Variants in GALNTL6 observed in about 807,000 individuals in gnomAD.
GALNTL6 encodes polypeptide N-acetylgalactosaminyltransferase-like 6.
In GALNTL6, 46 loss-of-function variants were observed where a neutral mutation model predicts 73.7. The ratio of observed to expected loss-of-function variants is 0.62; its 90% CI spans 0.49 to 0.80. The LOEUF (loss-of-function observed/expected upper bound fraction) is 0.80, where lower values mean the gene tolerates loss of function less well. GALNTL6 is among the 30% of genes least tolerant of loss of function. GALNTL6 has a pLI of 0.00. For synonymous variants in GALNTL6, 259 were observed against 263.7 expected, an observed-to-expected ratio of 0.98 and a Z score of 0.17; for missense variants, 604 against 755.0, an observed-to-expected ratio of 0.80 and a Z score of 2.34.
At chr4:171,840,619 C>A (rs1735213743) in intron 2 of GALNTL6, among the ~76,000 whole-genome samples, 1 of 152,056 alleles carries the variant, frequency 6.6e-6, no homozygotes, top group Non-Finnish European at 1.5e-5. Context: ...GTGTGGGTAG[C>A]CTTTGGAGTA....
intron 2 of GALNTL6, among the ~76,000 whole-genome samples, chr4:172,184,281 C>T (rs931637099): frequency 2.6e-5 from 4 of 152,132 alleles, no homozygotes; most frequent in Admixed American, 1.3e-4. Flanking sequence ...TGCTGTGACA[C>T]AGACCTGCTG....
At chr4:171,858,178 G>A (rs1330115626) in intron 2 of GALNTL6, among the ~76,000 whole-genome samples, 1 of 152,072 alleles carries the variant, frequency 6.6e-6, no homozygotes, top group Non-Finnish European at 1.5e-5. Flanking sequence ...ATTCTGCATT[G>A]CAAAAAGTTA....
intron 5 of GALNTL6, among the ~76,000 whole-genome samples, chr4:172,480,859 C>T (rs1024770445): frequency 6.6e-6 from 1 of 152,148 alleles, no homozygotes; most frequent in Admixed American, 6.5e-5. Flanking sequence ...CATGTGATCT[C>T]ATGTCCTCCA....
chr4:172,833,250 C>T (rs1742735868), intron 7 of GALNTL6, among the ~76,000 whole-genome samples: 1 of 152,152 alleles, frequency 6.6e-6, no homozygotes, highest in Admixed American at 6.5e-5. Flanking sequence ...AAAGTGCCCA[C>T]TATTTTCTTT....
chr4:172,045,410 A>C (rs1275493255), intron 2 of GALNTL6, among the ~76,000 whole-genome samples: 2 of 152,068 alleles, frequency 1.3e-5, no homozygotes, highest in East Asian at 3.8e-4. Context: ...AAATTTCCCT[A>C]AAGTCTTCTC....
At chr4:172,783,006 T>C (rs1308192394) in intron 5 of GALNTL6, among the ~76,000 whole-genome samples, 1 of 152,046 alleles carries the variant, frequency 6.6e-6, no homozygotes, top group Non-Finnish European at 1.5e-5. Context: ...AAATTAGTGG[T>C]GATCAGCTAA....
intron 8 of GALNTL6, among the ~76,000 whole-genome samples, chr4:172,911,898 T>A (rs1022263983): frequency 5.9e-5 from 9 of 152,250 alleles, no homozygotes; most frequent in South Asian, 2.1e-4. Flanking sequence ...GTGAGCAAGC[T>A]GTAACAGTTT....
chr4:171,983,098 A>G (rs1739954602), intron 2 of GALNTL6, among the ~76,000 whole-genome samples: 1 of 151,916 alleles, frequency 6.6e-6, no homozygotes, highest in South Asian at 2.1e-4. Context: ...TATGATTTAT[A>G]TTTTTTTCCT....
intron 5 of GALNTL6, among the ~76,000 whole-genome samples, chr4:172,524,443 G>A (rs571341563): frequency 2.6e-5 from 4 of 152,102 alleles, no homozygotes; most frequent in Admixed American, 6.5e-5. Context: ...TAAAGACAGG[G>A]TTTCACCATA....
intron 4 of GALNTL6, among the ~76,000 whole-genome samples, chr4:172,313,954 A>G (rs1163751258): frequency 6.6e-6 from 1 of 152,166 alleles, no homozygotes; most frequent in African/African-American, 2.4e-5. Flanking sequence ...GTCACCTCTG[A>G]TTTTGCCATG....
intron 4 of GALNTL6, among the ~76,000 whole-genome samples, chr4:172,346,988 C>CTTTTTTTT (rs34332250): frequency 1.7e-5 from 2 of 114,406 alleles, no homozygotes; most frequent in African/African-American, 6.9e-5. Flanking sequence ...TGTTTTCTTT[C>CTTTTTTTT]TTTTTTTTTT....
chr4:172,301,875 A>G (rs1401618064), intron 3 of GALNTL6, among the ~76,000 whole-genome samples: 1 of 152,064 alleles, frequency 6.6e-6, no homozygotes, highest in Non-Finnish European at 1.5e-5. Context: ...TTGCTGGGAG[A>G]ACCACTACTC....
chr4:172,705,481 T>G (rs1177290666), intron 5 of GALNTL6, among the ~76,000 whole-genome samples: 2 of 151,916 alleles, frequency 1.3e-5, no homozygotes, highest in Non-Finnish European at 2.9e-5. Context: ...ACACTTTAGC[T>G]CTATTCCTTC....
At chr4:172,084,972 A>G (rs1404191570) in intron 2 of GALNTL6, among the ~76,000 whole-genome samples, 1 of 152,196 alleles carries the variant, frequency 6.6e-6, no homozygotes, top group East Asian at 1.9e-4. Flanking sequence ...ACAAGATATC[A>G]GGGAGAACTG....
rs140878402 is a variant in GALNTL6 at position 171,894,161 on chromosome 4, A to G, written c.138+79443A>G. On this transcript the variant is annotated intron_variant, in intron 2 of 12. Coordinates refer to ENST00000506823, the MANE Select transcript of GALNTL6 (RefSeq NM_001034845.3). ...AATTGTTCATGTATAATTTATACTC[A>G]CAATTAAAAAGCATTTTTAACCAAG... is the stretch of plus-strand genomic sequence containing the variant. Among the ~76,000 whole-genome samples the G allele has an allele frequency of 3.6e-3, 546 of 152,334 alleles. 1 individual carries two copies. The highest frequency in any genetic ancestry group is 6.1e-3 in the Non-Finnish European group (414 of 68,040).
chr4:172,540,687 G>A (rs1446534172), intron 5 of GALNTL6, among the ~76,000 whole-genome samples: 2 of 152,182 alleles, frequency 1.3e-5, no homozygotes, highest in African/African-American at 4.8e-5. Context: ...GCCACATCTG[G>A]AACTGGACAC....
At chr4:172,382,803 C>A (rs1401417794) in intron 5 of GALNTL6, among the ~76,000 whole-genome samples, 3 of 151,816 alleles carry the variant, frequency 2.0e-5, no homozygotes, top group Admixed American at 6.6e-5. Context: ...CAAATAAATT[C>A]TTTGCCTGAA....
At chr4:172,398,155 A>T (rs1743916116) in intron 5 of GALNTL6, among the ~76,000 whole-genome samples, 1 of 152,292 alleles carries the variant, frequency 6.6e-6, no homozygotes, top group African/African-American at 2.4e-5. Context: ...CTAGCTGTCA[A>T]CATTACATAT....
chr4:172,580,321 C>T (rs1394599589), intron 5 of GALNTL6, among the ~76,000 whole-genome samples: 1 of 151,592 alleles, frequency 6.6e-6, no homozygotes, highest in Non-Finnish European at 1.5e-5. Flanking sequence ...AATTGAAAGC[C>T]CTATAAAGTA....
Sources: allele counts gnomAD v4.1 joint callset (sites outside exome capture counted in the v4.1 genomes callset), GRCh38; gene constraint gnomAD v4.1.1; transcripts MANE v1.5; gene names NCBI Gene and HGNC (gene_info 2026-07-23, HGNC 2026-07-21).